The following DTL variants were observed in gnomAD, a reference collection of about 807,000 sequenced individuals.
DTL encodes denticleless E3 ubiquitin protein ligase adapter, also known as denticleless protein homolog.
In DTL, 46 loss-of-function variants were observed where a neutral mutation model predicts 87.0. The ratio of observed to expected loss-of-function variants is 0.53; its 90% CI spans 0.42 to 0.68. DTL has a LOEUF of 0.68. Ranked by LOEUF, DTL falls within the 30% of genes least tolerant of loss-of-function variation. The pLI is 0.00. For synonymous variants in DTL, 308 were observed against 311.2 expected (o/e 0.99, Z 0.11); for missense variants, 737 against 869.4 (o/e 0.85, Z 1.91).
At chr1:212,040,858 GCA>G (rs1169621186) in intron 1 of DTL, among the ~76,000 whole-genome samples, 1 of 152,140 alleles carries the variant, frequency 6.6e-6, no homozygotes, top group Non-Finnish European at 1.5e-5. Context: ...ACTCAAAATG[GCA>G]CACAATTTAA....
chr1:212,102,506 C>G (rs1183658081), intron 14 of DTL, among the ~76,000 whole-genome samples: 2 of 152,014 alleles, frequency 1.3e-5, no homozygotes, highest in Non-Finnish European at 2.9e-5. Context: ...ATTTGAATAC[C>G]TATCTTGTTT....
intron 1 of DTL, among the ~76,000 whole-genome samples, chr1:212,037,667 G>C (rs554855982): frequency 6.6e-6 from 1 of 152,338 alleles, no homozygotes; most frequent in East Asian, 1.9e-4. Context: ...TGAAATAATT[G>C]TGTGCTATAC....
intron 6 of DTL, among the ~76,000 whole-genome samples, chr1:212,063,510 C>G (rs577790525): frequency 5.9e-5 from 9 of 151,846 alleles, no homozygotes; most frequent in African/African-American, 2.2e-4. Context: ...AGGCTGGTCT[C>G]AAACTCCTGA....
intron 1 of DTL, among the ~76,000 whole-genome samples, chr1:212,036,717 A>G (rs1385328997): frequency 2.6e-5 from 4 of 152,240 alleles, no homozygotes; most frequent in Non-Finnish European, 5.9e-5. Context: ...ATTTGAGGTT[A>G]GATTTGGATG....
At chr1:212,039,237 G>A (rs2102522387) in intron 1 of DTL, among the ~76,000 whole-genome samples, 1 of 152,200 alleles carries the variant, frequency 6.6e-6, no homozygotes, top group African/African-American at 2.4e-5. Context: ...TACCAATTTT[G>A]ATAATTATTA....
chr1:212,051,833 A>G (rs1016044689), intron 5 of DTL: 15 of 784,282 alleles, frequency 1.9e-5, no homozygotes, highest in Non-Finnish European at 2.0e-5. Context: ...CAGTTTTGCC[A>G]TGGTAACACT....
intron 5 of DTL, among the ~76,000 whole-genome samples, chr1:212,061,854 G>C (rs1269499178): frequency 1.3e-5 from 2 of 152,192 alleles, no homozygotes; most frequent in Non-Finnish European, 2.9e-5. Flanking sequence ...GCTGGAAAGT[G>C]AGTGGGTGTG....
intron 1 of DTL, among the ~76,000 whole-genome samples, chr1:212,036,206 A>T (rs917407531): frequency 8.5e-5 from 13 of 152,206 alleles, no homozygotes; most frequent in Non-Finnish European, 5.9e-5. Flanking sequence ...CTTACAGCTT[A>T]CATCTCCATT....
intron 2 of DTL, among the ~76,000 whole-genome samples, chr1:212,043,659 T>C (rs1054939254): frequency 6.6e-6 from 1 of 151,838 alleles, no homozygotes; most frequent in African/African-American, 2.4e-5. Flanking sequence ...TGAAATCCCA[T>C]CTCTACTAAA....
intron 5 of DTL, among the ~76,000 whole-genome samples, chr1:212,055,121 G>A (rs1668127770): frequency 6.6e-6 from 1 of 151,046 alleles, no homozygotes; most frequent in South Asian, 2.1e-4. Context: ...ATCTAAGAGA[G>A]AACACTGGGA....
At chr1:212,082,150 G>T (rs1021114849) in intron 13 of DTL, among the ~76,000 whole-genome samples, 1 of 152,184 alleles carries the variant, frequency 6.6e-6, no homozygotes, top group African/African-American at 2.4e-5. Flanking sequence ...TAAGAGGAGA[G>T]AGGGATGAAC....
At chr1:212,049,089 A>G (rs1484319405) in intron 5 of DTL, among the ~76,000 whole-genome samples, 4 of 152,030 alleles carry the variant, frequency 2.6e-5, no homozygotes, top group African/African-American at 9.7e-5. Context: ...CGCCCAGCTA[A>G]TTTTTGTATT....
chr1:212,070,309 A>G (rs1313745802), intron 10 of DTL, among the ~76,000 whole-genome samples: 2 of 152,132 alleles, frequency 1.3e-5, no homozygotes, highest in East Asian at 3.9e-4. Context: ...AGGTTAATAG[A>G]TCGATTTATT....
chr1:212,092,905 TC>T (rs1330503543), intron 13 of DTL, among the ~76,000 whole-genome samples: 1 of 152,196 alleles, frequency 6.6e-6, no homozygotes, highest in Non-Finnish European at 1.5e-5. Context: ...GTGTTCCCTT[TC>T]CACCACATCC....
chr1:212,049,901 C>A (rs1014437481), intron 5 of DTL, among the ~76,000 whole-genome samples: 4 of 151,070 alleles, frequency 2.6e-5, no homozygotes, highest in African/African-American at 9.8e-5. Flanking sequence ...TTAATCTGAG[C>A]TCATTATGGT....
At chr1:212,037,583 A>G (rs1667525377) in intron 1 of DTL, among the ~76,000 whole-genome samples, 1 of 152,258 alleles carries the variant, frequency 6.6e-6, no homozygotes, top group Non-Finnish European at 1.5e-5. Flanking sequence ...GAATTGTTTC[A>G]GTGGCATATT....
rs778870553 is a variant in DTL at position 212,100,433 on chromosome 1, C to T, written c.1443C>T (p.Asn481=). ...TSPAKARSPI[N]RRGSVSSVSP... ...CTGCCAAGGCCCGGTCTCCCATCAACAGAAGAGGCTCTGTCTCCTCCGTCT... is the reference window on the plus strand; with the variant it reads ...CTGCCAAGGCCCGGTCTCCCATCAATAGAAGAGGCTCTGTCTCCTCCGTCT... Residue 481 remains asparagine, a synonymous_variant, in exon 14 of 15, where the codon AAC becomes AAT. Transcript: ENST00000366991. 6.2e-7 allele frequency: 1 copy of T among 1,613,976 alleles called. No homozygotes were observed. Among genetic ancestry groups the T allele is most frequent in the Non-Finnish European group, 8.5e-7 (1 of 1,179,972 alleles).
intron 5 of DTL, among the ~76,000 whole-genome samples, chr1:212,054,792 C>CAAAA (rs756328781): frequency 4.8e-4 from 33 of 68,400 alleles, no homozygotes; most frequent in South Asian, 1.7e-3. Context: ...GACACCACCT[C>CAAAA]AAAAAAAAAA....
chr1:212,100,537 C>A lies in DTL; in HGVS notation c.1547C>A (p.Thr516Asn). Residue 516 changes from threonine (T) to asparagine (N), a missense_variant, in exon 14 of 15, where the codon ACT becomes AAT. Physicochemically the swap from Thr to Asn is moderately conservative, Grantham distance 65. Transcript: ENST00000366991. The part of the protein sequence containing the change: ...TRTPSSSPPI[T>N]PPASETKIMS... ...ACACCTTCCTCATCACCACCCATCA[C>A]TCCACCTGCTTCGGAGACCAAGATC... 1 of 1,614,108 alleles carries A rather than the reference C, an allele frequency of 6.2e-7. No individual in the cohort carries two copies. The highest frequency in any genetic ancestry group is 8.5e-7 in the Non-Finnish European group (1 of 1,180,010).
Sources: gnomAD v4.1 joint callset for allele counts (sites outside exome capture counted in the v4.1 genomes callset) on GRCh38, gnomAD v4.1.1 for gene constraint, MANE v1.5 for transcripts, NCBI Gene and HGNC (gene_info 2026-07-23, HGNC 2026-07-21) for gene names.